The following ASB18 variants were observed in gnomAD, a reference collection of about 807,000 sequenced individuals.
The protein encoded by ASB18 is ankyrin repeat and SOCS box containing 18.
Under a neutral mutation model 33.4 loss-of-function variants are expected in ASB18, and 33 were observed. The ratio of observed to expected loss-of-function variants is 0.99; its 90% CI spans 0.75 to 1.32. The LOEUF is 1.32. Among genes scored for constraint, ASB18 ranks in the 40% most tolerant of loss-of-function variants. ASB18 has a pLI of 0.00. For missense variants in ASB18, 694 were observed against 655.5 expected (o/e 1.06, Z -0.64); for synonymous variants, 295 against 307.6 (o/e 0.96, Z 0.43).
In ASB18 at chr2:236,237,413, G is replaced by A. The variant is rs1198973891; in HGVS notation, c.596+276C>T. Among the ~76,000 whole-genome samples the A allele has an allele frequency of 8.2e-3, 396 of 48,232 alleles. 9 individuals are homozygous for A. Among genetic ancestry groups the A allele is most frequent in the Non-Finnish European group, 0.011 (239 of 22,362 alleles). 31.6% of individuals were successfully genotyped at this position (48,232 alleles called of 152,430 possible). ...GGGGCCGGGGCCGGGGCGCGGGGCG[G>A]GGGCCGGGGCCGGGGCGCGGGGCGA... On this transcript the variant is annotated intron_variant, in intron 3 of 5. Coordinates refer to ENST00000409749, the MANE Select transcript of ASB18 (RefSeq NM_212556.4). This position sits in a 1 kb window ranked among gnomAD's most constrained non-coding sequence, Gnocchi z 6.2.
Position 236,226,668 on chromosome 2 carries a change from G to A in ASB18, c.596+11021C>T, listed in dbSNP as rs575133666. ...GGTGTCCAAATGTAAGCTTGTTGGC[G>A]TCTCTTCAGCAGTGTTGCAATGATT... On this transcript the variant is annotated intron_variant, in intron 3 of 5. Coordinates refer to ENST00000409749, the MANE Select transcript of ASB18 (RefSeq NM_212556.4). This position sits in a 1 kb window ranked among gnomAD's most constrained non-coding sequence, Gnocchi z 4.8. Among the ~76,000 whole-genome samples, 68 of 152,218 alleles carry A rather than the reference G, an allele frequency of 4.5e-4. No individual in the cohort carries two copies. Among genetic ancestry groups the A allele is most frequent in the African/African-American group, 8.7e-4 (36 of 41,534 alleles).
In ASB18 at chr2:236,263,274, A is replaced by C. The variant is rs1472182249; in HGVS notation, c.205+867T>G. On this transcript the variant is annotated intron_variant, in intron 1 of 5. Transcript: ENST00000409749. The surrounding 1 kb of genome is among the most constrained non-coding windows in gnomAD (Gnocchi z 4.0). ...ATAAAAATGATTCCAAGAGATGGAG[A>C]GTTCCTGCCCAAGACCCAAATAGAC... is the stretch of plus-strand genomic sequence containing the variant. Among the ~76,000 whole-genome samples, 1 of 152,254 alleles carries C rather than the reference A, an allele frequency of 6.6e-6. No homozygotes were observed. Among genetic ancestry groups the C allele is most frequent in the African/African-American group, 2.4e-5 (1 of 41,474 alleles).
At position 236,228,027 on chromosome 2, in the gene ASB18, T is replaced by A. The variant is rs758519478; in HGVS notation, c.596+9662A>T. Among the ~76,000 whole-genome samples, 73 of 152,366 alleles carry A rather than the reference T, an allele frequency of 4.8e-4. No homozygotes were observed. The highest frequency in any genetic ancestry group is 6.8e-3 in the Middle Eastern group (2 of 294). ...AATATTGGTTGACCTTGGAGCTGTG[T>A]GTTTCAAAATAAATGGAATTTCTAT... On this transcript the variant is annotated intron_variant, in intron 3 of 5. Coordinates refer to ENST00000409749, the MANE Select transcript of ASB18 (RefSeq NM_212556.4). The surrounding 1 kb of genome is among the most constrained non-coding windows in gnomAD (Gnocchi z 5.1).
rs573794965 is a variant in ASB18, at chr2:236,221,688, A to G, written c.597-6822T>C. Among the ~76,000 whole-genome samples, 17 of 152,278 alleles carry G rather than the reference A, an allele frequency of 1.1e-4. No homozygotes were observed. The East Asian group carries it at 2.9e-3, about 26-fold the overall frequency. On this transcript the variant is annotated intron_variant, in intron 3 of 5. Transcript: ENST00000409749. This position sits in a 1 kb window ranked among gnomAD's most constrained non-coding sequence, Gnocchi z 5.6. ...CAGAAGCGTGAAAACGGACTAATAC[A>G]GCATCTGTCTCCTTAAGTCACCGGA...
Position 236,219,570 on chromosome 2 carries a change from G to C in ASB18, c.597-4704C>G, listed in dbSNP as rs1044407388. Among the ~76,000 whole-genome samples the C allele has an allele frequency of 3.9e-5, 6 of 152,126 alleles. No individual in the cohort carries two copies. Among genetic ancestry groups the C allele is most frequent in the Admixed American group, 6.5e-5 (1 of 15,276 alleles). On this transcript the variant is annotated intron_variant, in intron 3 of 5. Transcript: ENST00000409749. The surrounding 1 kb of genome is among the most constrained non-coding windows in gnomAD (Gnocchi z 6.4). ...CTCTCAGACCTGACCCCAGGACCCA[G>C]GCCCATCCTTGAAACACTATCATTT...
chr2:236,201,225 C>T (rs1184808475), intron 4 of ASB18, among the ~76,000 whole-genome samples: 1 of 152,014 alleles, frequency 6.6e-6, no homozygotes, highest in African/African-American at 2.4e-5. Context: ...GATCATGGCT[C>T]ACTACAGCCT....
At chr2:236,201,673 A>G (rs1266219824) in intron 4 of ASB18, among the ~76,000 whole-genome samples, 2 of 146,960 alleles carry the variant, frequency 1.4e-5, no homozygotes, top group Non-Finnish European at 3.0e-5. Flanking sequence ...TATGATTTGG[A>G]GCTACTGCAC....
rs1273997436 is a variant in ASB18, at chr2:236,214,674, C to T, written c.789G>A (p.Ala263=). ...AGCGCCCGTGCTCGTCGGGCCTCCG[C>T]GCCGCACCGCAGGCCGCGCTCAGAG... ...ETALSAACGA[A]RRPDEHGRCL... is the part of the protein sequence containing the mutation. The change falls in exon 4 of 6, where the codon GCG becomes GCA. Residue 263 remains alanine (A), a synonymous_variant. Transcript: ENST00000409749. The surrounding 1 kb of genome is among the most constrained non-coding windows in gnomAD (Gnocchi z 6.5). The T allele has an allele frequency of 1.8e-6, 2 of 1,141,750 alleles. No homozygotes were observed. The highest frequency in any genetic ancestry group is 4.6e-5 in the East Asian group (1 of 21,874). The allele number at this position is 1,141,750 out of a possible 1,614,324, so 70.7% of individuals were successfully genotyped here.
rs1310641408 is a variant in ASB18, at chr2:236,200,144, C to T, written c.1102-3759G>A. Reference sequence around the variant, plus strand: ...GGTGGATCACCTGAGGTCAGGAGTTCGATACTAGCCTGGCCAACATGGTGA... The same window carrying T: ...GGTGGATCACCTGAGGTCAGGAGTTTGATACTAGCCTGGCCAACATGGTGA... On this transcript the variant is annotated intron_variant, in intron 4 of 5. Coordinates refer to ENST00000409749, the MANE Select transcript of ASB18 (RefSeq NM_212556.4). The surrounding 1 kb of genome is among the most constrained non-coding windows in gnomAD (Gnocchi z 4.2). 1.3e-5 allele frequency among the ~76,000 whole-genome samples: 2 copies of T among 151,936 alleles called. No individual in the cohort carries two copies. The highest frequency in any genetic ancestry group is 4.8e-5 in the African/African-American group (2 of 41,366).
In ASB18 at chr2:236,249,153, A is replaced by G. The variant is rs2060658544; in HGVS notation, c.206-7751T>C. The G allele has an allele frequency of 6.6e-6, 1 of 152,176 alleles. No homozygotes were observed. The allele number at this position is 152,176 out of a possible 1,614,324, so 9.4% of individuals were successfully genotyped here. A position where few individuals can be genotyped will look rare whatever the true frequency, so the allele number is the denominator to read the frequency against. Reference sequence around the variant, plus strand: ...GATGTCCATTTAAGTTCCCTTTCTCATTGGGACTCTTGGCTTTGTAGAACT... The same window carrying G: ...GATGTCCATTTAAGTTCCCTTTCTCGTTGGGACTCTTGGCTTTGTAGAACT... On this transcript the variant is annotated intron_variant, in intron 1 of 5. Coordinates refer to ENST00000409749, the MANE Select transcript of ASB18 (RefSeq NM_212556.4). This position sits in a 1 kb window ranked among gnomAD's most constrained non-coding sequence, Gnocchi z 4.6.
rs2060610234 is a variant in ASB18, at chr2:236,239,259, C to T, written c.329-1303G>A. 6.6e-6 allele frequency among the ~76,000 whole-genome samples: 1 copy of T among 152,216 alleles called. No individual in the cohort carries two copies. The highest frequency in any genetic ancestry group is 6.5e-5 in the Admixed American group (1 of 15,276). On this transcript the variant is annotated intron_variant, in intron 2 of 5. Transcript: ENST00000409749. The surrounding 1 kb of genome is among the most constrained non-coding windows in gnomAD (Gnocchi z 5.6). The stretch of plus-strand genomic sequence containing the variant: ...AGATGAAAACTACTTACTGCCTTCT[C>T]TGGGAAATGCTAAATCCCCAACCCA...
At chr2:236,197,075 C>T (rs894910428) in intron 4 of ASB18, among the ~76,000 whole-genome samples, 2 of 146,962 alleles carry the variant, frequency 1.4e-5, no homozygotes, top group Non-Finnish European at 2.9e-5. Context: ...TATCCCCGCC[C>T]CCCCCATCAA....
intron 3 of ASB18, among the ~76,000 whole-genome samples, chr2:236,232,261 CAAA>C (rs34385265): frequency 0.17 from 25,380 of 146,950 alleles, 2,181 homozygotes; most frequent in South Asian, 0.25. Flanking sequence ...ACCCATGACT[CAAA>C]AAAAAAAAAA....
chr2:236,201,957 A>AT (rs34751754), intron 4 of ASB18, among the ~76,000 whole-genome samples: 25,580 of 149,068 alleles, frequency 0.17, 2,184 homozygotes, highest in South Asian at 0.25. Flanking sequence ...TCATTCTTTA[A>AT]TTTTTTTTTT....
rs2060585328 is a variant in ASB18 at position 236,235,611 on chromosome 2, T to C, written c.596+2078A>G. 6.6e-6 allele frequency among the ~76,000 whole-genome samples: 1 copy of C among 152,232 alleles called. No individual in the cohort carries two copies. The highest frequency in any genetic ancestry group is 1.5e-5 in the Non-Finnish European group (1 of 68,038). On this transcript the variant is annotated intron_variant, in intron 3 of 5. Transcript: ENST00000409749. The surrounding 1 kb of genome is among the most constrained non-coding windows in gnomAD (Gnocchi z 6.2). ...ACAATTAAGCCCTGACCATACCATG[T>C]ATTGGTGAGGCTGTAAAGCAACTGG...
In ASB18 at chr2:236,259,433, A is replaced by G; in HGVS notation, c.205+4708T>C. The G allele has an allele frequency of 2.2e-6, 1 of 449,392 alleles. No homozygotes were observed. The highest frequency in any genetic ancestry group is 1.6e-5 in the South Asian group (1 of 61,890). The allele number at this position is 449,392 out of a possible 1,614,324, so 27.8% of individuals were successfully genotyped here. A position where few individuals can be genotyped will look rare whatever the true frequency, so the allele number is the denominator to read the frequency against. On this transcript the variant is annotated intron_variant, in intron 1 of 5. Coordinates refer to ENST00000409749, the MANE Select transcript of ASB18 (RefSeq NM_212556.4). The surrounding 1 kb of genome is among the most constrained non-coding windows in gnomAD (Gnocchi z 4.4). ...TTCAGGTTTGAATTATCCAGTTGGT[A>G]TATAAAAAGCAGCCTAGCAAGGCCA...
At position 236,245,128 on chromosome 2, in the gene ASB18, C is replaced by T. The variant is rs2060638939; in HGVS notation, c.206-3726G>A. On this transcript the variant is annotated intron_variant, in intron 1 of 5. Coordinates refer to ENST00000409749, the MANE Select transcript of ASB18 (RefSeq NM_212556.4). The surrounding 1 kb of genome is among the most constrained non-coding windows in gnomAD (Gnocchi z 4.7). ...ACTTGGCCATGACCCAAATTGGTTG[C>T]CACGGGGGCCGTAGGTTTATTTTTT... Among the ~76,000 whole-genome samples, 1 of 152,144 alleles carries T rather than the reference C, an allele frequency of 6.6e-6. No homozygotes were observed. Among genetic ancestry groups the T allele is most frequent in the Non-Finnish European group, 1.5e-5 (1 of 68,034 alleles).
rs1441889865 is a variant in ASB18, at chr2:236,259,599, G to A, written c.205+4542C>T. The A allele has an allele frequency of 8.5e-6, 4 of 471,076 alleles. No homozygotes were observed. In the East Asian group the frequency reaches 2.1e-4, roughly 25 times the overall value. The allele number at this position is 471,076 out of a possible 1,614,324, so 29.2% of individuals were successfully genotyped here. A position where few individuals can be genotyped will look rare whatever the true frequency, so the allele number is the denominator to read the frequency against. Reference sequence around the variant, plus strand: ...GGGGTCGGAAGGATGAGATGGCAAAGGTGAGCAGAGGAGGTGCAGCCCTGG... The same window carrying A: ...GGGGTCGGAAGGATGAGATGGCAAAAGTGAGCAGAGGAGGTGCAGCCCTGG... On this transcript the variant is annotated intron_variant, in intron 1 of 5. Coordinates refer to ENST00000409749, the MANE Select transcript of ASB18 (RefSeq NM_212556.4). The surrounding 1 kb of genome is among the most constrained non-coding windows in gnomAD (Gnocchi z 4.4).
rs2060517761 is a variant in ASB18, at chr2:236,222,627, G to C, written c.597-7761C>G. Among the ~76,000 whole-genome samples, 1 of 152,178 alleles carries C rather than the reference G, an allele frequency of 6.6e-6. No individual in the cohort carries two copies. The highest frequency in any genetic ancestry group is 6.5e-5 in the Admixed American group (1 of 15,286). ...GGGGCAGGATGGGGCCTGGTGGGAG[G>C]TGGTTGGTTCATGGGGGTAGGTCTC... On this transcript the variant is annotated intron_variant, in intron 3 of 5. Transcript: ENST00000409749. This position sits in a 1 kb window ranked among gnomAD's most constrained non-coding sequence, Gnocchi z 5.5.
Sources: allele counts gnomAD v4.1 joint callset (sites outside exome capture counted in the v4.1 genomes callset), GRCh38; gene constraint gnomAD v4.1.1; non-coding constraint Gnocchi (gnomAD v3.1); transcripts MANE v1.5; gene names NCBI Gene and HGNC (gene_info 2026-07-23, HGNC 2026-07-21).